The following FOXJ3 variants were observed in gnomAD, a reference collection of about 807,000 sequenced individuals.
FOXJ3 encodes the protein forkhead box J3, also known as forkhead box protein J3.
In FOXJ3, 22 loss-of-function variants were observed where a neutral mutation model predicts 76.1. The observed-to-expected ratio is 0.29, with a 90% CI of 0.21 to 0.41. FOXJ3 has a LOEUF of 0.41. FOXJ3 is among the 10% of genes least tolerant of loss of function. FOXJ3 has a pLI of 1.00. For synonymous variants in FOXJ3, 269 were observed against 261.2 expected (o/e 1.03, Z -0.29); for missense variants, 613 against 762.1 (o/e 0.80, Z 2.30).
chr1:42,239,576 CT>C (rs1648968308), intron 4 of FOXJ3, among the ~76,000 whole-genome samples: 1 of 152,116 alleles, frequency 6.6e-6, no homozygotes, highest in Non-Finnish European at 1.5e-5. Flanking sequence ...TAACTAACTA[CT>C]CATCAATTGT....
At chr1:42,257,934 G>A (rs1384967574) in intron 4 of FOXJ3, among the ~76,000 whole-genome samples, 6 of 151,996 alleles carry the variant, frequency 3.9e-5, no homozygotes, top group Non-Finnish European at 5.9e-5. Context: ...TTTATCTTAG[G>A]TTGAAAATAG....
At chr1:42,201,209 CTTCCAAACTTT>C (rs1646758738) in intron 6 of FOXJ3, among the ~76,000 whole-genome samples, 2 of 152,220 alleles carry the variant, frequency 1.3e-5, no homozygotes, top group Non-Finnish European at 2.9e-5. Context: ...TATTTCTGTC[CTTCCAAACTTT>C]ATGCTTTTTA....
intron 5 of FOXJ3, among the ~76,000 whole-genome samples, chr1:42,209,204 G>A (rs558528982): frequency 3.3e-5 from 5 of 152,290 alleles, no homozygotes; most frequent in South Asian, 2.1e-4. Flanking sequence ...ATTCAGTAAC[G>A]TTGCGGGATA....
chr1:42,327,086 C>T (rs1267413629), intron 1 of FOXJ3, among the ~76,000 whole-genome samples: 1 of 152,188 alleles, frequency 6.6e-6, no homozygotes, highest in Non-Finnish European at 1.5e-5. Flanking sequence ...AGATAAAACA[C>T]TTTTGAAAAA....
At chr1:42,249,021 T>C (rs1649797888) in intron 4 of FOXJ3, among the ~76,000 whole-genome samples, 1 of 152,118 alleles carries the variant, frequency 6.6e-6, no homozygotes, top group Non-Finnish European at 1.5e-5. Context: ...TCTGTTCCTC[T>C]GTTAGTTTGC....
intron 5 of FOXJ3, among the ~76,000 whole-genome samples, chr1:42,213,671 A>G (rs1250220082): frequency 6.6e-6 from 1 of 152,182 alleles, no homozygotes; most frequent in Non-Finnish European, 1.5e-5. Flanking sequence ...AATTCTGTCT[A>G]GGGGGTATTA....
chr1:42,265,973 G>A (rs3768268), intron 3 of FOXJ3, among the ~76,000 whole-genome samples: 106,432 of 151,996 alleles, frequency 0.7, 37,994 homozygotes, highest in Admixed American at 0.8. Context: ...TACAGAATAT[G>A]CCCCAAAGTC....
intron 8 of FOXJ3, among the ~76,000 whole-genome samples, chr1:42,193,433 G>C (rs1646588927): frequency 2.7e-5 from 4 of 150,846 alleles, no homozygotes; most frequent in Admixed American, 2.6e-4. Context: ...TGATGGAATG[G>C]AATTATGGGC....
chr1:42,227,937 C>A lies in FOXJ3; in HGVS notation c.474G>T (p.Pro158=). The A allele has an allele frequency of 6.4e-7, 1 of 1,573,474 alleles. No individual in the cohort carries two copies. The highest frequency in any genetic ancestry group is 8.7e-7 in the Non-Finnish European group (1 of 1,151,414). The change falls in exon 5 of 13, where the codon CCG becomes CCT. Residue 158 remains proline (P), a synonymous_variant. Coordinates refer to ENST00000361346, the MANE Select transcript of FOXJ3 (RefSeq NM_014947.5). ...KGSYWAIDTN[P]KEDVLPTRPK... ...GCCGAGTAGGCAGCACATCTTCCTT[C>A]GGATTGGTGTCTATTGCCCAGTAGG...
At chr1:42,213,796 G>C (rs759267356) in intron 5 of FOXJ3, among the ~76,000 whole-genome samples, 2 of 152,182 alleles carry the variant, frequency 1.3e-5, no homozygotes, top group Non-Finnish European at 2.9e-5. Flanking sequence ...GTGGTTACCA[G>C]AAGTGGGAAC....
chr1:42,186,345 A>C (rs1646435602), intron 11 of FOXJ3, among the ~76,000 whole-genome samples: 1 of 152,120 alleles, frequency 6.6e-6, no homozygotes, highest in South Asian at 2.1e-4. Context: ...AGGCCAAAAC[A>C]GCTTGGCAGG....
intron 1 of FOXJ3, among the ~76,000 whole-genome samples, chr1:42,329,123 T>G (rs912542486): frequency 6.6e-6 from 1 of 152,180 alleles, no homozygotes; most frequent in East Asian, 1.9e-4. Flanking sequence ...ACATGTCAAA[T>G]AGAATCGCAG....
chr1:42,184,689 T>C (rs2124139515), intron 11 of FOXJ3, among the ~76,000 whole-genome samples: 1 of 152,050 alleles, frequency 6.6e-6, no homozygotes, highest in South Asian at 2.1e-4. Flanking sequence ...TAACATGCTA[T>C]GGAAAAAAAG....
chr1:42,278,803 G>A, intron 2 of FOXJ3, 131 bp from the exon 3 acceptor site: 1 of 643,116 alleles, frequency 1.6e-6, no homozygotes, highest in Non-Finnish European at 2.7e-6. Flanking sequence ...AAAAGATTGA[G>A]TATGTTAATG....
intron 4 of FOXJ3, among the ~76,000 whole-genome samples, chr1:42,241,241 C>T (rs1391744680): frequency 6.6e-6 from 1 of 152,166 alleles, no homozygotes; most frequent in Non-Finnish European, 1.5e-5. Context: ...GAAGCACACA[C>T]TCTCTGAAGC....
At chr1:42,295,577 G>A (rs1215204133) in intron 2 of FOXJ3, among the ~76,000 whole-genome samples, 1 of 136,644 alleles carries the variant, frequency 7.3e-6, no homozygotes, top group East Asian at 2.1e-4. Context: ...CCCCCAGGCT[G>A]GAATGCAGTG....
intron 5 of FOXJ3, among the ~76,000 whole-genome samples, chr1:42,209,900 A>G (rs1646933183): frequency 6.6e-6 from 1 of 152,204 alleles, no homozygotes; most frequent in Admixed American, 6.5e-5. Context: ...GAAGTGTGCT[A>G]CAGCCACAGG....
intron 4 of FOXJ3, among the ~76,000 whole-genome samples, chr1:42,242,876 A>G (rs1401594961): frequency 1.3e-5 from 2 of 152,226 alleles, no homozygotes; most frequent in African/African-American, 4.8e-5. Flanking sequence ...TAATCCAAAA[A>G]GGTTTTCTTT....
intron 4 of FOXJ3, among the ~76,000 whole-genome samples, chr1:42,257,334 A>T (rs1435975185): frequency 6.6e-6 from 1 of 152,212 alleles, no homozygotes; most frequent in Non-Finnish European, 1.5e-5. Flanking sequence ...ACTGAAAACC[A>T]GGTGTCACTG....
Sources: gnomAD v4.1 joint callset for allele counts (sites outside exome capture counted in the v4.1 genomes callset) on GRCh38, gnomAD v4.1.1 for gene constraint, MANE v1.5 for transcripts, NCBI Gene and HGNC (gene_info 2026-07-23, HGNC 2026-07-21) for gene names.